Variants in ABCB9 observed in about 807,000 individuals in gnomAD.
ABCB9 encodes ABC-type oligopeptide transporter ABCB9.
In ABCB9, 36 loss-of-function variants were observed where a neutral mutation model predicts 62.0. The observed-to-expected ratio is 0.58, with a 90% CI of 0.45 to 0.77. The LOEUF is 0.77. Among genes scored for constraint, ABCB9 ranks in the 30% least tolerant of loss-of-function variants. The probability of loss-of-function intolerance (pLI) is 0.00; values close to 1 mark genes in which losing one functional copy is unlikely to be tolerated. For missense variants in ABCB9, 943 were observed against 1,054.7 expected (o/e 0.89, Z 1.47); for synonymous variants, 435 against 461.4 (o/e 0.94, Z 0.73).
Position 122,959,024 on chromosome 12 carries a change from C to T in ABCB9, c.601+611G>A, listed in dbSNP as rs1285422479. Among the ~76,000 whole-genome samples, 6 of 147,530 alleles carry T rather than the reference C, an allele frequency of 4.1e-5. No homozygotes were observed. The highest frequency in any genetic ancestry group is 1.3e-4 in the Admixed American group (2 of 14,836). ...TGCTGGGATTACAGGCGTGAGCCAC[C>T]GCGCCTGGCCTATTTTTTCGTTTTA... On this transcript the variant is annotated intron_variant, in intron 2 of 11. Coordinates refer to ENST00000280560, the MANE Select transcript of ABCB9 (RefSeq NM_019625.4). The surrounding 1 kb of genome is among the most constrained non-coding windows in gnomAD (Gnocchi z 5.4).
chr12:122,923,731 T>C (rs2034816408), intron 11 of ABCB9, among the ~76,000 whole-genome samples: 1 of 152,200 alleles, frequency 6.6e-6, no homozygotes, highest in Non-Finnish European at 1.5e-5. Flanking sequence ...TTTATGTGCA[T>C]GGGTATTTTT....
intron 1 of ABCB9, among the ~76,000 whole-genome samples, chr12:122,965,260 T>G (rs1283322310): frequency 6.6e-6 from 1 of 152,056 alleles, no homozygotes; most frequent in Non-Finnish European, 1.5e-5. Flanking sequence ...TCCAGGCTAT[T>G]CAGGGATTGC....
downstream of ABCB9, among the ~76,000 whole-genome samples, chr12:122,924,303 T>C (rs1450218660): frequency 6.6e-6 from 1 of 152,228 alleles, no homozygotes; most frequent in African/African-American, 2.4e-5. Flanking sequence ...AATGAGGTGA[T>C]TGGACTGTGT....
At chr12:122,969,954 A>G (rs1228705125), upstream of ABCB9, among the ~76,000 whole-genome samples, 2 of 152,188 alleles carry the variant, frequency 1.3e-5, no homozygotes, top group African/African-American at 4.8e-5. Context: ...GCAGTTCGGC[A>G]GGTTTTTTTA....
At chr12:122,946,829 G>A (rs2036066732) in intron 5 of ABCB9, among the ~76,000 whole-genome samples, 1 of 152,242 alleles carries the variant, frequency 6.6e-6, no homozygotes, top group Non-Finnish European at 1.5e-5. Context: ...CCATCAGGCT[G>A]CTGTTCACCA....
At chr12:122,972,145 C>T (rs777771516) in intron 1 of ABCB9, among the ~76,000 whole-genome samples, 1 of 147,532 alleles carries the variant, frequency 6.8e-6, no homozygotes, top group Admixed American at 6.9e-5. Context: ...CCCAGGTTTA[C>T]GCCATTCTCC....
intron 1 of ABCB9, among the ~76,000 whole-genome samples, chr12:122,965,077 G>A (rs957838464): frequency 8.5e-5 from 13 of 152,166 alleles, no homozygotes; most frequent in Non-Finnish European, 1.2e-4. Context: ...CTATGTGCCT[G>A]GCACCTCCCA....
At position 122,946,099 on chromosome 12, in the gene ABCB9, G is replaced by C; in HGVS notation, c.1177C>G (p.Arg393Gly). The change falls in exon 6 of 12, where the codon CGG becomes GGG. Residue 393 changes from arginine (R) to glycine (G), a missense_variant. Coordinates refer to ENST00000280560, the MANE Select transcript of ABCB9 (RefSeq NM_019625.4). The stretch of plus-strand genomic sequence containing the variant: ...AGCTTGTACACCTGCTGCAGCTTCC[G>C]CAGGTACACCTCTGCCTCCTCCTCC... ...NEEEEAEVYL[R>G]KLQQVYKLNR... 1.9e-6 allele frequency: 3 copies of C among 1,614,004 alleles called. No individual in the cohort carries two copies. Among genetic ancestry groups the C allele is most frequent in the African/African-American group, 1.3e-5 (1 of 75,010 alleles).
chr12:122,952,928 G>A (rs1404116450), intron 2 of ABCB9: 1 of 152,202 alleles, frequency 6.6e-6, no homozygotes, highest in Non-Finnish European at 1.5e-5. Flanking sequence ...CCACACAGTA[G>A]AAGGCAGGAT....
intron 2 of ABCB9, among the ~76,000 whole-genome samples, chr12:122,958,169 C>A (rs1307906657): frequency 3.6e-3 from 260 of 72,172 alleles, no homozygotes; most frequent in East Asian, 7.5e-3. Context: ...GACTCCATCT[C>A]AAAAAAAAAA....
In ABCB9 at chr12:122,947,528, C is replaced by T. The variant is rs1350088315; in HGVS notation, c.1053+1096G>A. 2.2e-6 allele frequency: 1 copy of T among 450,358 alleles called. No homozygotes were observed. Among genetic ancestry groups the T allele is most frequent in the Non-Finnish European group, 4.5e-6 (1 of 223,168 alleles). 27.9% of individuals were successfully genotyped at this position (450,358 alleles called of 1,614,324 possible). On this transcript the variant is annotated intron_variant, in intron 5 of 11. Transcript: ENST00000280560. This position sits in a 1 kb window ranked among gnomAD's most constrained non-coding sequence, Gnocchi z 6.0. ...TCCAAGCCCCTGCTCTAGAAGTACC[C>T]CACGTGGGCCTGGGTGACTGTGAGG...
chr12:122,941,253 G>A (rs906921979), intron 7 of ABCB9, among the ~76,000 whole-genome samples: 18 of 152,014 alleles, frequency 1.2e-4, no homozygotes, highest in Non-Finnish European at 2.4e-4. Context: ...CGAAGGAACC[G>A]GCAGGGGTGT....
chr12:122,935,506 T>TG, intron 9 of ABCB9, 75 bp from the exon 10 acceptor site: 2 of 1,541,466 alleles, frequency 1.3e-6, no homozygotes, highest in Non-Finnish European at 1.8e-6. Context: ...CCTTGCTGCC[T>TG]GGGGCCTGGA....
chr12:122,921,111 G>A (rs2034735478), intron 11 of ABCB9: 1 of 1,491,688 alleles, frequency 6.7e-7, no homozygotes, highest in South Asian at 1.2e-5. Context: ...AATGCCTCTG[G>A]ATCATGCAAT....
chr12:122,938,828 CA>C (rs1009302467), intron 9 of ABCB9, among the ~76,000 whole-genome samples: 1 of 139,782 alleles, frequency 7.2e-6, no homozygotes. Context: ...ACTCTGTCTC[CA>C]AAAAAAAATA....
Position 122,929,969 on chromosome 12 carries a change from G to A in ABCB9, c.2243C>T (p.Ala748Val). 6.3e-7 allele frequency: 1 copy of A among 1,578,898 alleles called. No homozygotes were observed. The highest frequency in any genetic ancestry group is 8.6e-7 in the Non-Finnish European group (1 of 1,165,414). The change falls in exon 12 of 12, where the codon GCC becomes GTC. Residue 748 changes from alanine to valine, a missense_variant. Coordinates refer to ENST00000280560, the MANE Select transcript of ABCB9 (RefSeq NM_019625.4). The surrounding 1 kb of genome is among the most constrained non-coding windows in gnomAD (Gnocchi z 6.0). Reference protein sequence around the residue: ...VQRQMLGLQPAADFTAGHNEP... With the variant: ...VQRQMLGLQPVADFTAGHNEP... ...GTTGTGGCCAGCTGTGAAGTCTGCG[G>A]CGGGCTGAAGCCCCAGCATCTGCCG...
rs190225904 is a variant in ABCB9, at chr12:122,949,403, A to T, written c.847+385T>A. ...TCTCTCAGAGCTTGGATCTTGGTGG[A>T]TATTCTATCGTCTTCCCCGTTGTGG... On this transcript the variant is annotated intron_variant, in intron 4 of 11. Coordinates refer to ENST00000280560, the MANE Select transcript of ABCB9 (RefSeq NM_019625.4). 2.0e-5 allele frequency: 4 copies of T among 200,200 alleles called. No individual in the cohort carries two copies. The East Asian group carries it at 4.7e-4, about 23-fold the overall frequency. 12.4% of individuals were successfully genotyped at this position (200,200 alleles called of 1,614,324 possible). A position where few individuals can be genotyped will look rare whatever the true frequency, so the allele number is the denominator to read the frequency against.
chr12:122,955,570 C>A (rs1007049584), intron 2 of ABCB9, among the ~76,000 whole-genome samples: 9 of 152,338 alleles, frequency 5.9e-5, no homozygotes, highest in African/African-American at 2.2e-4. Flanking sequence ...GCATACATAA[C>A]AGGGTCTTGC....
intron 2 of ABCB9, among the ~76,000 whole-genome samples, chr12:122,954,586 A>G (rs1053074323): frequency 1.5e-4 from 22 of 149,528 alleles, no homozygotes; most frequent in African/African-American, 5.4e-4. Context: ...TCCACCTCCC[A>G]GGTTCAAGCA....
Sources: gnomAD v4.1 joint callset for allele counts (sites outside exome capture counted in the v4.1 genomes callset) on GRCh38, gnomAD v4.1.1 for gene constraint, Gnocchi (gnomAD v3.1) non-coding constraint, MANE v1.5 for transcripts, NCBI Gene and HGNC (gene_info 2026-07-23, HGNC 2026-07-21) for gene names.